Variants in COL28A1 observed in about 807,000 individuals in gnomAD.
COL28A1 encodes collagen alpha-1(XXVIII) chain.
In COL28A1, 161 loss-of-function variants were observed where a neutral mutation model predicts 150.2. The observed-to-expected ratio is 1.07, with a 90% CI of 0.94 to 1.22. The LOEUF is 1.22. Among genes scored for constraint, COL28A1 ranks in the 50% most tolerant of loss-of-function variants. The pLI is 0.00. For missense variants in COL28A1, 1,617 were observed against 1,388.3 expected, an observed-to-expected ratio of 1.16 and a Z score of -2.62; for synonymous variants, 552 against 469.7, an observed-to-expected ratio of 1.18 and a Z score of -2.26.
intron 25 of COL28A1, chr7:7,431,600 C>T (rs778541825): frequency 3.4e-5 from 16 of 471,006 alleles, no homozygotes; most frequent in African/African-American, 3.0e-4. Context: ...ACAGAAGCTG[C>T]AGTCGGGGCA....
At chr7:7,404,211 G>A (rs1272726181) in intron 27 of COL28A1, among the ~76,000 whole-genome samples, 2 of 152,072 alleles carry the variant, frequency 1.3e-5, no homozygotes, top group Admixed American at 6.5e-5. Flanking sequence ...CAAGGTGGGG[G>A]AGGGATTCTA....
chr7:7,453,184 G>C (rs4455736), intron 17 of COL28A1, among the ~76,000 whole-genome samples: 60,127 of 152,076 alleles, frequency 0.4, 15,063 homozygotes, highest in African/African-American at 0.72. Context: ...GTTTGAGTTG[G>C]TAGAATAGGA....
At chr7:7,505,457 A>T in intron 11 of COL28A1, among the ~76,000 whole-genome samples, 1 of 152,260 alleles carries the variant, frequency 6.6e-6, no homozygotes, top group African/African-American at 2.4e-5. Context: ...GCCTTTAAAG[A>T]TCCCTCCCAT....
At chr7:7,382,514 C>T (rs180928938) in intron 27 of COL28A1, among the ~76,000 whole-genome samples, 82 of 152,248 alleles carry the variant, frequency 5.4e-4, no homozygotes, top group Middle Eastern at 3.4e-3. Flanking sequence ...CCCACCCAAA[C>T]CACACAGTTT....
At chr7:7,437,587 G>A in intron 21 of COL28A1, 125 bp from the exon 22 acceptor site, 1 of 1,340,968 alleles carries the variant, frequency 7.5e-7, no homozygotes, top group Non-Finnish European at 9.6e-7. Flanking sequence ...CTGTTTCAAA[G>A]ACCAATGTGA....
At chr7:7,390,279 G>A (rs1273979105) in intron 27 of COL28A1, among the ~76,000 whole-genome samples, 2 of 152,094 alleles carry the variant, frequency 1.3e-5, no homozygotes, top group African/African-American at 2.4e-5. Flanking sequence ...GTTCTGTTTA[G>A]GTGGTGGATT....
intron 33 of COL28A1, among the ~76,000 whole-genome samples, chr7:7,370,450 T>C (rs1193484633): frequency 6.6e-6 from 1 of 152,196 alleles, no homozygotes. Context: ...GCATACATGG[T>C]TACTTTGATG....
At position 7,510,274 on chromosome 7, in the gene COL28A1, TATTGATTG is replaced by T. The variant is rs112747472; in HGVS notation, c.927+809_927+816del. Among the ~76,000 whole-genome samples the T allele has an allele frequency of 6.6e-5, 10 of 152,046 alleles. No homozygotes were observed. In the East Asian group the frequency reaches 9.7e-4, roughly 15 times the overall value. On this transcript the variant is annotated intron_variant, in intron 9 of 34. Coordinates refer to ENST00000399429, the MANE Select transcript of COL28A1 (RefSeq NM_001037763.3). ...TATTTCCAAATTTAAGTGCTTTCAT[TATTGATTG>T]ATTGATTGATTGATTGATTTTTGAG... is the stretch of plus-strand genomic sequence containing the variant.
intron 28 of COL28A1, among the ~76,000 whole-genome samples, chr7:7,381,164 CTGGTAT>C (rs1781851788): frequency 6.6e-6 from 1 of 152,106 alleles, no homozygotes. Context: ...CCTGAGTTAT[CTGGTAT>C]CTCCTACATG....
At chr7:7,374,038 A>AAAAAAAAAAAAAAAAAATATAT in intron 31 of COL28A1, among the ~76,000 whole-genome samples, 1 of 113,658 alleles carries the variant, frequency 8.8e-6, no homozygotes, top group African/African-American at 3.8e-5. Context: ...AAAAAAAAAA[A>AAAAAAAAAAAAAAAAAATATAT]ATATATATAT....
chr7:7,523,539 A>G (rs1781858545), intron 4 of COL28A1, among the ~76,000 whole-genome samples: 1 of 151,984 alleles, frequency 6.6e-6, no homozygotes, highest in Admixed American at 6.6e-5. Flanking sequence ...GGTGTGACGT[A>G]GGTTTGGTTG....
At chr7:7,368,689 C>T (rs750586359) in intron 33 of COL28A1, among the ~76,000 whole-genome samples, 5 of 152,078 alleles carry the variant, frequency 3.3e-5, no homozygotes, top group Non-Finnish European at 7.4e-5. Context: ...GAAGACATAA[C>T]GAGAAGGTGG....
intron 4 of COL28A1, chr7:7,522,169 T>C: frequency 1.7e-6 from 1 of 605,072 alleles, no homozygotes; most frequent in Non-Finnish European, 3.0e-6. Flanking sequence ...CTCTATTAAA[T>C]TATTCCAGGC....
chr7:7,441,113 TG>T (rs1165274359), intron 20 of COL28A1, among the ~76,000 whole-genome samples: 1 of 152,240 alleles, frequency 6.6e-6, no homozygotes, highest in African/African-American at 2.4e-5. Flanking sequence ...ATCTTTCTTT[TG>T]GAACTTTTGT....
chr7:7,541,940 C>CA, the COL28A1 span, among the ~76,000 whole-genome samples: 294 of 147,422 alleles, frequency 2.0e-3, 3 homozygotes, highest in East Asian at 0.026. Context: ...AAGTTTTACC[C>CA]AAAAAAAAAA....
At chr7:7,481,692 C>A (rs1333849805) in intron 13 of COL28A1, among the ~76,000 whole-genome samples, 1 of 152,116 alleles carries the variant, frequency 6.6e-6, no homozygotes, top group Non-Finnish European at 1.5e-5. Flanking sequence ...ATACGATTGT[C>A]CATTATGTTC....
In COL28A1 at chr7:7,440,951, G is replaced by A. The variant is rs774130307; in HGVS notation, c.1651-90C>T. On this transcript the variant is annotated intron_variant, in intron 20 of 34. Transcript: ENST00000399429. Reference sequence around the variant, plus strand: ...AGGACCATAGCGGAGCCGGATTCTCGACTAATACCAATTTTAAAGTGGTGT... The same window carrying A: ...AGGACCATAGCGGAGCCGGATTCTCAACTAATACCAATTTTAAAGTGGTGT... 1.9e-5 allele frequency: 13 copies of A among 677,208 alleles called. 1 individual carries two copies. The highest frequency in any genetic ancestry group is 1.3e-4 in the South Asian group (7 of 53,704). 41.9% of individuals were successfully genotyped at this position (677,208 alleles called of 1,614,324 possible).
At chr7:7,458,795 G>A (rs2038882937) in intron 15 of COL28A1, among the ~76,000 whole-genome samples, 1 of 152,164 alleles carries the variant, frequency 6.6e-6, no homozygotes, top group African/African-American at 2.4e-5. Context: ...GACGGCAGAG[G>A]TGACAGTCAA....
chr7:7,422,825 T>C (rs545482014), intron 25 of COL28A1, among the ~76,000 whole-genome samples: 4 of 152,210 alleles, frequency 2.6e-5, no homozygotes, highest in East Asian at 3.9e-4. Flanking sequence ...CTTACAGTAA[T>C]AGACGGAAGA....
Sources: allele counts gnomAD v4.1 joint callset (sites outside exome capture counted in the v4.1 genomes callset), GRCh38; gene constraint gnomAD v4.1.1; transcripts MANE v1.5; gene names NCBI Gene and HGNC (gene_info 2026-07-23, HGNC 2026-07-21).